PRKN: variants seen among roughly 807,000 people sequenced by gnomAD.
PRKN encodes the protein E3 ubiquitin-protein ligase parkin.
Under a neutral mutation model 59.5 loss-of-function variants are expected in PRKN, and 56 were observed. That is an observed-to-expected ratio of 0.94 (90% confidence interval 0.76 to 1.18). PRKN has a LOEUF of 1.18. Ranked by LOEUF, PRKN falls within the 50% of genes most tolerant of loss-of-function variation. The pLI, the probability that PRKN is intolerant of heterozygous loss-of-function variation, is 0.00. For missense variants in PRKN, 657 were observed against 596.4 expected (o/e 1.10, Z -1.06); for synonymous variants, 250 against 222.1 (o/e 1.13, Z -1.12).
chr6:161,431,670 T>C (rs1454725499), intron 9 of PRKN, among the ~76,000 whole-genome samples: 1 of 151,994 alleles, frequency 6.6e-6, no homozygotes. Flanking sequence ...TGGAGTGCAA[T>C]GGCGCGATCT....
chr6:161,796,428 C>T (rs879704872), intron 6 of PRKN, among the ~76,000 whole-genome samples: 1 of 149,988 alleles, frequency 6.7e-6, no homozygotes, highest in East Asian at 1.9e-4. Context: ...TTTGGTTTAC[C>T]CTAGCTTTCT....
chr6:161,503,662 C>T lies in PRKN; in HGVS notation c.1083+45192G>A, dbSNP rs193178710. Among the ~76,000 whole-genome samples the T allele has an allele frequency of 3.9e-4, 59 of 152,270 alleles. No homozygotes were observed. Among genetic ancestry groups the T allele is most frequent in the African/African-American group, 1.3e-3 (55 of 41,548 alleles). ...TTGCTCTGCCCCCAGAGCCCTGCTT[C>T]GAGAGCCTCTATGCTTCTATGAAGG... On this transcript the variant is annotated intron_variant, in intron 9 of 11. Transcript: ENST00000366898. This position sits in a 1 kb window ranked among gnomAD's most constrained non-coding sequence, Gnocchi z 5.1.
chr6:161,761,251 A>G (rs1789187631), intron 7 of PRKN, among the ~76,000 whole-genome samples: 1 of 152,168 alleles, frequency 6.6e-6, no homozygotes, highest in African/African-American at 2.4e-5. Flanking sequence ...CTGCTCTTTG[A>G]AAGTAAAAAG....
intron 6 of PRKN, among the ~76,000 whole-genome samples, chr6:161,884,227 T>A (rs1795049824): frequency 6.6e-6 from 1 of 152,210 alleles, no homozygotes; most frequent in Admixed American, 6.5e-5. Context: ...AGCTCATGTT[T>A]TTATGTACAT....
At chr6:161,654,368 G>A (rs1010005832) in intron 7 of PRKN, among the ~76,000 whole-genome samples, 4 of 152,150 alleles carry the variant, frequency 2.6e-5, no homozygotes, top group Admixed American at 2.6e-4. Context: ...CATTTATTAT[G>A]GCTCCAGGGC....
intron 1 of PRKN, among the ~76,000 whole-genome samples, chr6:162,531,057 C>CAAAA (rs1171548218): frequency 0.31 from 24,659 of 79,004 alleles, 3,477 homozygotes; most frequent in Non-Finnish European, 0.41. Flanking sequence ...ACTCCATCTC[C>CAAAA]AAAAAAAAAA....
rs541481203 is a variant in PRKN at position 161,642,003 on chromosome 6, A to G, written c.872-72587T>C. Among the ~76,000 whole-genome samples the G allele has an allele frequency of 4.2e-3, 646 of 152,344 alleles. 3 individuals are homozygous for G. Among genetic ancestry groups the G allele is most frequent in the Middle Eastern group, 0.02 (6 of 294 alleles). Reference sequence around the variant, plus strand: ...TCCAGTGTGGGGAAGCAATTCTCTAAGAAAGAAGTTTAATTTATGAATGTC... The same window carrying G: ...TCCAGTGTGGGGAAGCAATTCTCTAGGAAAGAAGTTTAATTTATGAATGTC... On this transcript the variant is annotated intron_variant, in intron 7 of 11. Transcript: ENST00000366898.
intron 4 of PRKN, among the ~76,000 whole-genome samples, chr6:162,168,741 T>C (rs574552511): frequency 6.6e-6 from 1 of 152,136 alleles, no homozygotes; most frequent in Admixed American, 6.6e-5. Flanking sequence ...GATATAAATC[T>C]TACGTACAAT....
At chr6:162,395,032 T>TAAA (rs1787404786) in intron 2 of PRKN, among the ~76,000 whole-genome samples, 1 of 152,208 alleles carries the variant, frequency 6.6e-6, no homozygotes, top group Non-Finnish European at 1.5e-5. Flanking sequence ...AATTTGCAGG[T>TAAA]AGTGAACCCC....
chr6:161,472,208 T>C (rs34292234), intron 9 of PRKN, among the ~76,000 whole-genome samples: 4 of 152,222 alleles, frequency 2.6e-5, no homozygotes, highest in East Asian at 3.9e-4. Context: ...TTTAGCTAGA[T>C]ATAAAGAAAA....
intron 3 of PRKN, among the ~76,000 whole-genome samples, chr6:162,225,976 A>G (rs1778158914): frequency 6.8e-6 from 1 of 147,826 alleles, no homozygotes; most frequent in Non-Finnish European, 1.5e-5. Flanking sequence ...TTAGGAAACC[A>G]TATGTATATA....
chr6:162,034,187 A>G (rs955884444), intron 5 of PRKN, among the ~76,000 whole-genome samples: 2 of 63,538 alleles, frequency 3.1e-5, no homozygotes, highest in African/African-American at 1.8e-4. Flanking sequence ...ATATATATAT[A>G]GAGAGAGAGA....
chr6:161,946,532 A>G lies in PRKN; in HGVS notation c.734+26770T>C, dbSNP rs150633078. Reference sequence around the variant, plus strand: ...TGCATTTCAGAGTATTGATGGTGACACTGATAAAACATTCAGAAAATGACT... The same window carrying G: ...TGCATTTCAGAGTATTGATGGTGACGCTGATAAAACATTCAGAAAATGACT... On this transcript the variant is annotated intron_variant, in intron 6 of 11. Coordinates refer to ENST00000366898, the MANE Select transcript of PRKN (RefSeq NM_004562.3). 3.7e-3 allele frequency among the ~76,000 whole-genome samples: 558 copies of G among 152,018 alleles called. 2 individuals carry two copies. The highest frequency in any genetic ancestry group is 0.013 in the African/African-American group (532 of 41,442).
chr6:162,060,795 G>A (rs578174468), intron 4 of PRKN, among the ~76,000 whole-genome samples: 1 of 152,176 alleles, frequency 6.6e-6, no homozygotes, highest in African/African-American at 2.4e-5. Flanking sequence ...AGAAAACCAT[G>A]GCATTTACAG....
Position 162,158,415 on chromosome 6 carries a change from C to CTT in PRKN, c.534+42715_534+42716insAA, listed in dbSNP as rs10673194. Among the ~76,000 whole-genome samples the CTT allele has an allele frequency of 8.7e-3, 1,213 of 139,144 alleles. 27 individuals are homozygous for CTT. Among genetic ancestry groups the CTT allele is most frequent in the African/African-American group, 0.03 (1,120 of 37,752 alleles). The allele number at this position is 139,144 out of a possible 152,430, so 91.3% of individuals were successfully genotyped here. ...CCAAAGCTTTTTGTTTGTTTGTTTGCGTTTTTTTTTTTTTTTTTCTTTTGG... is the reference window on the plus strand; with the variant it reads ...CCAAAGCTTTTTGTTTGTTTGTTTGCTTGTTTTTTTTTTTTTTTTTCTTTTGG... On this transcript the variant is annotated intron_variant, in intron 4 of 11. Transcript: ENST00000366898.
intron 4 of PRKN, among the ~76,000 whole-genome samples, chr6:162,106,164 C>T (rs914726403): frequency 6.6e-6 from 1 of 152,090 alleles, no homozygotes; most frequent in Non-Finnish European, 1.5e-5. Flanking sequence ...TTACAGCTCC[C>T]GTAAGTACGG....
At chr6:162,560,022 A>G (rs1310346829) in intron 1 of PRKN, among the ~76,000 whole-genome samples, 3 of 152,192 alleles carry the variant, frequency 2.0e-5, no homozygotes, top group African/African-American at 7.2e-5. Context: ...ATCTGATACC[A>G]TTATTATTAA....
chr6:161,897,963 T>G (rs1220649448), intron 6 of PRKN, among the ~76,000 whole-genome samples: 1 of 844 alleles, frequency 1.2e-3, no homozygotes, highest in Non-Finnish European at 4.4e-3. Context: ...CGAGACTCCG[T>G]CTCAAAAAAA....
At chr6:162,035,296 G>A (rs548248244) in intron 5 of PRKN, among the ~76,000 whole-genome samples, 2 of 152,186 alleles carry the variant, frequency 1.3e-5, no homozygotes, top group South Asian at 2.1e-4. Context: ...CCCATGACTC[G>A]AACATCTCCC....
Sources: gnomAD v4.1 joint callset for allele counts (sites outside exome capture counted in the v4.1 genomes callset) on GRCh38, gnomAD v4.1.1 for gene constraint, Gnocchi (gnomAD v3.1) non-coding constraint, MANE v1.5 for transcripts, NCBI Gene and HGNC (gene_info 2026-07-23, HGNC 2026-07-21) for gene names.